Variants in ZNF624 observed in about 807,000 individuals in gnomAD.
ZNF624 encodes the protein zinc finger protein 624.
A neutral mutation model predicts 74.7 loss-of-function variants in ZNF624; 43 were observed. The observed-to-expected ratio is 0.58, with a 90% CI of 0.45 to 0.74. The LOEUF (loss-of-function observed/expected upper bound fraction) is 0.74, where lower values mean the gene tolerates loss of function less well. Ranked by LOEUF, ZNF624 falls within the 30% of genes least tolerant of loss-of-function variation. The pLI is 0.00. For synonymous variants in ZNF624, 331 were observed against 341.3 expected (o/e 0.97, Z 0.33); for missense variants, 820 against 1,030.0 (o/e 0.80, Z 2.79).
At chr17:16,644,785 T>C (rs1909548127) in intron 3 of ZNF624, among the ~76,000 whole-genome samples, 2 of 152,246 alleles carry the variant, frequency 1.3e-5, no homozygotes, top group Non-Finnish European at 2.9e-5. Flanking sequence ...ATTCTGCAGC[T>C]GTAAAATGTC....
chr17:16,630,322 C>T (rs952083704), intron 5 of ZNF624, among the ~76,000 whole-genome samples: 3 of 151,590 alleles, frequency 2.0e-5, no homozygotes, highest in African/African-American at 7.3e-5. Context: ...TTTGGGAGGC[C>T]GAGGTGGGTG....
At chr17:16,614,964 CTGTA>C in the ZNF624 span, among the ~76,000 whole-genome samples, 1 of 152,144 alleles carries the variant, frequency 6.6e-6, no homozygotes, top group Non-Finnish European at 1.5e-5. Flanking sequence ...AGGACAAATA[CTGTA>C]TGATTCTACT....
Position 16,622,233 on chromosome 17 carries a change from AGTT to A in ZNF624, c.*52_*54del. 2.2e-6 allele frequency: 3 copies of A among 1,336,228 alleles called. No individual in the cohort carries two copies. Among genetic ancestry groups the A allele is most frequent in the Non-Finnish European group, 2.0e-6 (2 of 996,548 alleles). 82.8% of individuals were successfully genotyped at this position (1,336,228 alleles called of 1,614,324 possible). On this transcript the variant is annotated 3_prime_UTR_variant, in exon 6 of 6. Coordinates refer to ENST00000311331, the MANE Select transcript of ZNF624 (RefSeq NM_020787.4). ...AGATTTTCCTATATTCATAAAATATAGTTTATAAGATTCATCTTGTGGAGTTGA... is the reference window on the plus strand; with the variant it reads ...AGATTTTCCTATATTCATAAAATATATATAAGATTCATCTTGTGGAGTTGA...
At chr17:16,627,035 CAA>C (rs1371257735) in intron 5 of ZNF624, among the ~76,000 whole-genome samples, 4 of 151,906 alleles carry the variant, frequency 2.6e-5, no homozygotes, top group African/African-American at 9.7e-5. Context: ...GCCTGGGAGA[CAA>C]GAGAGACTCC....
chr17:16,649,130 T>C (rs1399107400), intron 2 of ZNF624, among the ~76,000 whole-genome samples: 1 of 152,214 alleles, frequency 6.6e-6, no homozygotes, highest in African/African-American at 2.4e-5. Flanking sequence ...TTTACCTCAA[T>C]GAAACTGTAA....
chr17:16,647,985 G>C (rs1273637953), intron 2 of ZNF624, among the ~76,000 whole-genome samples: 1 of 151,586 alleles, frequency 6.6e-6, no homozygotes. Context: ...GCCCAGGCTG[G>C]AGTGCAGTGG....
intron 5 of ZNF624, among the ~76,000 whole-genome samples, chr17:16,630,179 G>A (rs1192347716): frequency 6.6e-6 from 1 of 151,836 alleles, no homozygotes; most frequent in Non-Finnish European, 1.5e-5. Flanking sequence ...AATGTTGAAA[G>A]AATATAACTG....
intron 3 of ZNF624, among the ~76,000 whole-genome samples, chr17:16,638,364 G>C (rs919540721): frequency 6.6e-6 from 1 of 152,164 alleles, no homozygotes; most frequent in East Asian, 1.9e-4. Flanking sequence ...CCATGACTGG[G>C]TATATACCCA....
intron 5 of ZNF624, among the ~76,000 whole-genome samples, chr17:16,633,389 G>C (rs1164036375): frequency 6.6e-6 from 1 of 152,116 alleles, no homozygotes; most frequent in African/African-American, 2.4e-5. Flanking sequence ...GAGGAGAGGT[G>C]GTGGGTTCCT....
At chr17:16,640,167 T>A (rs1909433751) in intron 3 of ZNF624, among the ~76,000 whole-genome samples, 4 of 152,102 alleles carry the variant, frequency 2.6e-5, no homozygotes, top group Admixed American at 2.6e-4. Context: ...TTTAAACATA[T>A]ACTCACCTAA....
chr17:16,636,026 T>C (rs4791675), intron 3 of ZNF624, among the ~76,000 whole-genome samples: 61,070 of 151,942 alleles, frequency 0.4, 14,348 homozygotes, highest in African/African-American at 0.64. Flanking sequence ...TACCCTGACA[T>C]ATTAAAAAGC....
downstream of ZNF624, chr17:16,617,998 C>T (rs1033004143): frequency 1.1e-4 from 69 of 629,272 alleles, 1 homozygote; most frequent in Middle Eastern, 1.7e-3. Flanking sequence ...ACCATAGTGG[C>T]GGCCGAGTCC....
chr17:16,616,981 G>C, downstream of ZNF624: 1 of 1,601,820 alleles, frequency 6.2e-7, no homozygotes, highest in Non-Finnish European at 8.6e-7. Flanking sequence ...CGGCGAATTG[G>C]AACGGGACTG....
chr17:16,627,052 C>CAAAT (rs962907901), intron 5 of ZNF624, among the ~76,000 whole-genome samples: 4 of 151,772 alleles, frequency 2.6e-5, no homozygotes, highest in Admixed American at 1.3e-4. Flanking sequence ...GACTCCATCT[C>CAAAT]AAATAAATAA....
chr17:16,631,604 T>A (rs1258869357), intron 5 of ZNF624: 3 of 152,118 alleles, frequency 2.0e-5, no homozygotes, highest in African/African-American at 7.3e-5. Flanking sequence ...GTGCCTCTAC[T>A]CCCAGCTATG....
In ZNF624 at chr17:16,622,314, G is replaced by A. The variant is rs746672106; in HGVS notation, c.2572C>T (p.His858Tyr). ...TATATTAACTGAGTTTCTCTTTGATGTATTCTTTGATGTACAGTAAGGCTC... is the reference window on the plus strand; with the variant it reads ...TATATTAACTGAGTTTCTCTTTGATATATTCTTTGATGTACAGTAAGGCTC... ...SSSLTVHQRI[H>Y]QRETQLI is the part of the protein sequence containing the mutation. The change falls in exon 6 of 6, where the codon CAT (histidine) becomes TAT (tyrosine). Residue 858 changes from histidine (H) to tyrosine (Y), a missense_variant. His to Tyr is a moderately conservative substitution (Grantham distance 83). Coordinates refer to ENST00000311331, the MANE Select transcript of ZNF624 (RefSeq NM_020787.4). 5 of 1,577,506 alleles carry A rather than the reference G, an allele frequency of 3.2e-6. No homozygotes were observed. The highest frequency in any genetic ancestry group is 4.3e-6 in the Non-Finnish European group (5 of 1,166,230).
At chr17:16,641,538 C>A (rs1008316292) in intron 3 of ZNF624, among the ~76,000 whole-genome samples, 2 of 152,242 alleles carry the variant, frequency 1.3e-5, no homozygotes, top group African/African-American at 4.8e-5. Flanking sequence ...CCCACCTCAG[C>A]CTCCTAAAGT....
chr17:16,634,839 GC>G, intron 3 of ZNF624, 83 bp from the exon 4 acceptor site: 1 of 1,345,288 alleles, frequency 7.4e-7, no homozygotes, highest in Non-Finnish European at 1.0e-6. Context: ...CTGGGGAAGA[GC>G]CCCAGAAACC....
intron 1 of ZNF624, among the ~76,000 whole-genome samples, chr17:16,650,132 C>T (rs974212311): frequency 6.6e-6 from 1 of 152,144 alleles, no homozygotes; most frequent in African/African-American, 2.4e-5. Flanking sequence ...TCCACTGAAT[C>T]AACATGCTGT....
Sources: allele counts gnomAD v4.1 joint callset (sites outside exome capture counted in the v4.1 genomes callset), GRCh38; gene constraint gnomAD v4.1.1; transcripts MANE v1.5; gene names NCBI Gene and HGNC (gene_info 2026-07-23, HGNC 2026-07-21).